Variants in BCL2 observed in about 807,000 individuals in gnomAD.
BCL2 encodes apoptosis regulator Bcl-2.
A neutral mutation model predicts 14.2 loss-of-function variants in BCL2; 1 was observed. The ratio of observed to expected loss-of-function variants is 0.07; its 90% CI spans 0.02 to 0.33. The LOEUF (loss-of-function observed/expected upper bound fraction) is 0.33, where lower values mean the gene tolerates loss of function less well. Among genes scored for constraint, BCL2 ranks in the 10% least tolerant of loss-of-function variants. The pLI, the probability that BCL2 is intolerant of heterozygous loss-of-function variation, is 0.99. For missense variants in BCL2, 247 were observed against 305.9 expected, an observed-to-expected ratio of 0.81 and a Z score of 1.44; for synonymous variants, 151 against 137.2, an observed-to-expected ratio of 1.10 and a Z score of -0.70.
At chr18:63,172,280 A>C (rs1170954857) in intron 2 of BCL2, among the ~76,000 whole-genome samples, 2 of 152,228 alleles carry the variant, frequency 1.3e-5, no homozygotes, top group African/African-American at 4.8e-5. Context: ...CTTGCTGCAC[A>C]GCTACTATCT....
Position 63,318,498 on chromosome 18 carries a change from G to C in BCL2, c.169C>G (p.Pro57Ala). The C allele has an allele frequency of 6.5e-7, 1 of 1,534,688 alleles. No homozygotes were observed. Among genetic ancestry groups the C allele is most frequent in the Non-Finnish European group, 8.7e-7 (1 of 1,149,670 alleles). The change falls in exon 2 of 3, where the codon CCC becomes GCC. Residue 57 changes from proline (P) to alanine (A), a missense_variant. Coordinates refer to ENST00000333681, the MANE Select transcript of BCL2 (RefSeq NM_000633.3). This position sits in a 1 kb window ranked among gnomAD's most constrained non-coding sequence, Gnocchi z 7.4. ...GGGTCCCGGGATGCGGCTGGATGGG[G>C]CGTGTGCCCGGGCTGGGAGGAGAAG... ...GIFSSQPGHTPHPAASRDPVA... is the reference protein window; with the variant it reads ...GIFSSQPGHTAHPAASRDPVA...
chr18:63,181,415 G>C (rs1466094599), intron 2 of BCL2, among the ~76,000 whole-genome samples: 2 of 152,178 alleles, frequency 1.3e-5, no homozygotes, highest in Non-Finnish European at 2.9e-5. Flanking sequence ...TTAGCTTTGC[G>C]ATTGGGACCT....
chr18:63,291,301 G>T (rs1912638400), intron 2 of BCL2, among the ~76,000 whole-genome samples: 1 of 152,136 alleles, frequency 6.6e-6, no homozygotes, highest in Non-Finnish European at 1.5e-5. Context: ...TCTCTAAATT[G>T]TTCCCCAAAT....
chr18:63,189,189 T>TAAAAA (rs34498028), intron 2 of BCL2, among the ~76,000 whole-genome samples: 5 of 135,360 alleles, frequency 3.7e-5, no homozygotes, highest in African/African-American at 5.6e-5. Flanking sequence ...TAACAGCATA[T>TAAAAA]AAAAAAAAAA....
chr18:63,240,254 G>A (rs1291889252), intron 2 of BCL2, among the ~76,000 whole-genome samples: 1 of 152,200 alleles, frequency 6.6e-6, no homozygotes, highest in East Asian at 1.9e-4. Context: ...CTCCCAAAGT[G>A]CTGGGATTAC....
In BCL2 at chr18:63,241,402, A is replaced by G. The variant is rs141062848; in HGVS notation, c.585+76680T>C. On this transcript the variant is annotated intron_variant, in intron 2 of 2. Transcript: ENST00000333681. ...CATGGTCACCTATTTTGTATATTGT[A>G]TTCCTTTAAAGCGAAAAATTCTTAT... 4.8e-3 allele frequency among the ~76,000 whole-genome samples: 727 copies of G among 152,358 alleles called. 7 individuals are homozygous for G. The highest frequency in any genetic ancestry group is 0.016 in the African/African-American group (686 of 41,580).
chr18:63,135,597 C>A (rs1260152645), intron 2 of BCL2, among the ~76,000 whole-genome samples: 1 of 152,152 alleles, frequency 6.6e-6, no homozygotes, highest in Non-Finnish European at 1.5e-5. Context: ...TCCACCCTGG[C>A]CCATGCACAA....
chr18:63,275,642 G>C (rs1023901540), intron 2 of BCL2, among the ~76,000 whole-genome samples: 11 of 152,230 alleles, frequency 7.2e-5, no homozygotes, highest in African/African-American at 2.7e-4. Context: ...TAACAGAGTA[G>C]TTATTGTTTG....
intron 2 of BCL2, among the ~76,000 whole-genome samples, chr18:63,252,393 G>T (rs2047896287): frequency 1.3e-5 from 2 of 152,234 alleles, no homozygotes; most frequent in Middle Eastern, 3.4e-3. Context: ...CCAAAAAATA[G>T]TATTTTACTT....
At chr18:63,133,416 G>A (rs1211490201) in intron 2 of BCL2, among the ~76,000 whole-genome samples, 2 of 139,098 alleles carry the variant, frequency 1.4e-5, no homozygotes, top group Non-Finnish European at 3.0e-5. Flanking sequence ...TCAGCCTCCC[G>A]TGTAACTGGG....
intron 2 of BCL2, among the ~76,000 whole-genome samples, chr18:63,211,070 T>C (rs1351570394): frequency 1.5e-5 from 2 of 131,548 alleles, no homozygotes; most frequent in African/African-American, 5.7e-5. Context: ...TTTCTTTTTT[T>C]TTTTTTTTTT....
At chr18:63,245,985 T>C (rs1461030114) in intron 2 of BCL2, among the ~76,000 whole-genome samples, 1 of 152,226 alleles carries the variant, frequency 6.6e-6, no homozygotes, top group East Asian at 1.9e-4. Flanking sequence ...CTACTGACTT[T>C]CTAATCTGTG....
intron 2 of BCL2, among the ~76,000 whole-genome samples, chr18:63,237,301 C>G (rs1910868748): frequency 6.6e-6 from 1 of 152,164 alleles, no homozygotes; most frequent in African/African-American, 2.4e-5. Flanking sequence ...GAAGCTGCAC[C>G]ACATGCACAT....
At chr18:63,218,628 C>CCCATCCTCCATTCATT (rs1910275777) in intron 2 of BCL2, among the ~76,000 whole-genome samples, 1 of 640 alleles carries the variant, frequency 1.6e-3, no homozygotes, top group Non-Finnish European at 3.7e-3. Flanking sequence ...CTCCACTCAT[C>CCCATCCTCCATTCATT]CCATCCACTC....
At chr18:63,147,243 G>A (rs1914536825) in intron 2 of BCL2, among the ~76,000 whole-genome samples, 1 of 152,196 alleles carries the variant, frequency 6.6e-6, no homozygotes. Flanking sequence ...TTTGTAACAG[G>A]AAGAGATGCC....
At chr18:63,164,178 A>G (rs1203172377) in intron 2 of BCL2, among the ~76,000 whole-genome samples, 1 of 152,208 alleles carries the variant, frequency 6.6e-6, no homozygotes, top group Non-Finnish European at 1.5e-5. Flanking sequence ...GGACCCTGTG[A>G]TATGGTACCA....
Position 63,237,041 on chromosome 18 carries a change from A to G in BCL2, c.585+81041T>C, listed in dbSNP as rs144266251. Among the ~76,000 whole-genome samples, 286 of 152,206 alleles carry G rather than the reference A, an allele frequency of 1.9e-3. 1 individual carries two copies. The highest frequency in any genetic ancestry group is 6.8e-3 in the African/African-American group (282 of 41,504). ...GCGCACTCCTGGCCACATCACAGCT[A>G]TGTTCTCTTGCCTCTGGGAAATACA... is the stretch of plus-strand genomic sequence containing the variant. On this transcript the variant is annotated intron_variant, in intron 2 of 2. Transcript: ENST00000333681.
intron 2 of BCL2, among the ~76,000 whole-genome samples, chr18:63,142,037 C>A (rs1054354925): frequency 2.0e-5 from 3 of 152,202 alleles, no homozygotes; most frequent in African/African-American, 7.2e-5. Context: ...ATCAGGACAT[C>A]GCTGCTGGGG....
chr18:63,128,311 G>C lies in BCL2; in HGVS notation c.*314C>G. 1 of 265,408 alleles carries C rather than the reference G, an allele frequency of 3.8e-6. No individual in the cohort carries two copies. Among genetic ancestry groups the C allele is most frequent in the Non-Finnish European group, 7.2e-6 (1 of 138,336 alleles). 16.4% of individuals were successfully genotyped at this position (265,408 alleles called of 1,614,324 possible). On this transcript the variant is annotated 3_prime_UTR_variant, in exon 3 of 3. Coordinates refer to ENST00000333681, the MANE Select transcript of BCL2 (RefSeq NM_000633.3). ...GGTGGAGCCACACGAAGCGGTGCTT[G>C]GCAATTAGTGGTCGGATTTCCAAAG...
Sources: gnomAD v4.1 joint callset for allele counts (sites outside exome capture counted in the v4.1 genomes callset) on GRCh38, gnomAD v4.1.1 for gene constraint, Gnocchi (gnomAD v3.1) non-coding constraint, MANE v1.5 for transcripts, NCBI Gene and HGNC (gene_info 2026-07-23, HGNC 2026-07-21) for gene names.